Variants in FAM168A observed in about 807,000 individuals in gnomAD.
FAM168A encodes protein FAM168A.
A neutral mutation model predicts 28.5 loss-of-function variants in FAM168A; 3 were observed. The observed-to-expected ratio is 0.11, with a 90% CI of 0.05 to 0.27. FAM168A has a LOEUF of 0.27. Among genes scored for constraint, FAM168A ranks in the 10% least tolerant of loss-of-function variants. The pLI, the probability that FAM168A is intolerant of heterozygous loss-of-function variation, is 1.00. For synonymous variants in FAM168A, 122 were observed against 124.2 expected, an observed-to-expected ratio of 0.98 and a Z score of 0.12; for missense variants, 222 against 311.5, an observed-to-expected ratio of 0.71 and a Z score of 2.16.
intron 3 of FAM168A, among the ~76,000 whole-genome samples, chr11:73,421,653 T>TTCTTC (rs1255547921): frequency 6.6e-6 from 1 of 152,208 alleles, no homozygotes; most frequent in Non-Finnish European, 1.5e-5. Flanking sequence ...AAGAATCCAA[T>TTCTTC]TAGTGTTAAC....
chr11:73,584,707 G>A (rs928020578), intron 1 of FAM168A, among the ~76,000 whole-genome samples: 15 of 151,458 alleles, frequency 9.9e-5, no homozygotes, highest in African/African-American at 3.6e-4. Context: ...TTGATCTCCT[G>A]ACCTCGTGAT....
rs547003575 is a variant in FAM168A at position 73,482,054 on chromosome 11, C to T, written c.-18-13562G>A. Among the ~76,000 whole-genome samples, 217 of 152,244 alleles carry T rather than the reference C, an allele frequency of 1.4e-3. 1 individual carries two copies. Among genetic ancestry groups the T allele is most frequent in the African/African-American group, 4.9e-3 (204 of 41,542 alleles). ...GATGGAACTCTTACCAGACAATGAA[C>T]TTGCCTTGATCTTGGACCTCCCAGC... is the stretch of plus-strand genomic sequence containing the variant. On this transcript the variant is annotated intron_variant, in intron 1 of 7. Coordinates refer to ENST00000356467, the MANE Select transcript of FAM168A (RefSeq NM_015159.3).
At chr11:73,431,700 C>T (rs1866997403) in intron 2 of FAM168A, among the ~76,000 whole-genome samples, 1 of 152,212 alleles carries the variant, frequency 6.6e-6, no homozygotes, top group Non-Finnish European at 1.5e-5. Flanking sequence ...AGAGTTTACA[C>T]AAACCAGCTC....
chr11:73,498,756 C>A (rs953762940), intron 1 of FAM168A, among the ~76,000 whole-genome samples: 6 of 152,208 alleles, frequency 3.9e-5, no homozygotes, highest in Non-Finnish European at 7.3e-5. Flanking sequence ...AGTCTGTGGG[C>A]AGAGTGCCAG....
At chr11:73,497,757 TG>T (rs1233430034) in intron 1 of FAM168A, among the ~76,000 whole-genome samples, 1 of 150,436 alleles carries the variant, frequency 6.6e-6, no homozygotes, top group East Asian at 2.0e-4. Context: ...TGTCGTTGGG[TG>T]GGGGGATGGG....
intron 2 of FAM168A, among the ~76,000 whole-genome samples, chr11:73,464,383 A>G (rs1358290189): frequency 6.6e-6 from 1 of 152,076 alleles, no homozygotes; most frequent in Non-Finnish European, 1.5e-5. Flanking sequence ...TAGTCTTTGA[A>G]CAGATTAATT....
intron 1 of FAM168A, among the ~76,000 whole-genome samples, chr11:73,489,504 C>T (rs112543618): frequency 6.7e-6 from 1 of 150,040 alleles, no homozygotes; most frequent in African/African-American, 2.5e-5. Context: ...CACACCCCAT[C>T]CCCCACTTTT....
At chr11:73,435,950 G>A (rs1185724903) in intron 2 of FAM168A, among the ~76,000 whole-genome samples, 2 of 152,224 alleles carry the variant, frequency 1.3e-5, no homozygotes, top group African/African-American at 4.8e-5. Flanking sequence ...TATTCAGCAA[G>A]TCAGTGGTCG....
At chr11:73,469,645 G>C (rs556359706) in intron 1 of FAM168A, among the ~76,000 whole-genome samples, 1 of 152,146 alleles carries the variant, frequency 6.6e-6, no homozygotes, top group Non-Finnish European at 1.5e-5. Flanking sequence ...TAAAACATAC[G>C]TAATGTGTAG....
chr11:73,447,372 GA>G (rs1284161342), intron 2 of FAM168A, among the ~76,000 whole-genome samples: 1 of 151,508 alleles, frequency 6.6e-6, no homozygotes, highest in Non-Finnish European at 1.5e-5. Flanking sequence ...AACATAGCAA[GA>G]CCTCATCTCT....
rs574794950 is a variant in FAM168A at position 73,408,751 on chromosome 11, A to C, written c.595+736T>G. 2.0e-3 allele frequency among the ~76,000 whole-genome samples: 308 copies of C among 150,532 alleles called. 2 individuals are homozygous for C. Among genetic ancestry groups the C allele is most frequent in the South Asian group, 0.011 (53 of 4,752 alleles). The stretch of plus-strand genomic sequence containing the variant: ...GGCCAAGATCGTGCCACTGCACTCC[A>C]GCCTGGGTGACAAAGCAAGACCCTG... On this transcript the variant is annotated intron_variant, in intron 6 of 7. Transcript: ENST00000356467.
intron 1 of FAM168A, among the ~76,000 whole-genome samples, chr11:73,593,301 C>G (rs1289185883): frequency 1.3e-5 from 2 of 152,050 alleles, no homozygotes; most frequent in Non-Finnish European, 2.9e-5. Context: ...ATTTGTTATT[C>G]TTTAAGTTGT....
At chr11:73,476,842 GAAGA>G (rs536150204) in intron 1 of FAM168A, among the ~76,000 whole-genome samples, 2 of 152,100 alleles carry the variant, frequency 1.3e-5, no homozygotes, top group Non-Finnish European at 2.9e-5. Context: ...TGAGCTGGCA[GAAGA>G]AAGAATCACT....
chr11:73,553,589 CA>C (rs1943853345), intron 1 of FAM168A, among the ~76,000 whole-genome samples: 1 of 152,194 alleles, frequency 6.6e-6, no homozygotes, highest in Non-Finnish European at 1.5e-5. Context: ...TGACTACTCA[CA>C]GTCTTTCTAG....
rs1328935663 is a variant in FAM168A, at chr11:73,407,542, G to A, written c.697C>T (p.Pro233Ser). Residue 233 changes from proline (P) to serine (S), a missense_variant, in exon 7 of 8, where the codon CCA (proline) becomes TCA (serine). Transcript: ENST00000356467. The stretch of plus-strand genomic sequence containing the variant: ...ATGGGCTGCAGGCTTTACCAGTGTG[G>A]GGGCACGTAGCTGTACGCAGGGGTT... The part of the protein sequence containing the change: ...QGTPAYSYVP[P>S]HW The A allele has an allele frequency of 1.3e-6, 2 of 1,590,516 alleles. No individual in the cohort carries two copies. The highest frequency in any genetic ancestry group is 1.7e-6 in the Non-Finnish European group (2 of 1,172,016).
At chr11:73,569,946 AT>A (rs1944066927) in intron 1 of FAM168A, among the ~76,000 whole-genome samples, 1 of 152,194 alleles carries the variant, frequency 6.6e-6, no homozygotes, top group African/African-American at 2.4e-5. Context: ...GAGACCTGGG[AT>A]GGTGGGGTCC....
At chr11:73,560,941 G>C (rs528722148) in intron 1 of FAM168A, among the ~76,000 whole-genome samples, 1 of 151,750 alleles carries the variant, frequency 6.6e-6, no homozygotes, top group Admixed American at 6.6e-5. Flanking sequence ...CACACCTGTA[G>C]TTGCAGCTAC....
chr11:73,583,080 G>A (rs542956457), intron 1 of FAM168A, among the ~76,000 whole-genome samples: 3 of 152,206 alleles, frequency 2.0e-5, no homozygotes, highest in Non-Finnish European at 2.9e-5. Context: ...CAAGGCAGGC[G>A]GATCACGAGG....
At chr11:73,566,236 T>C (rs1944018998) in intron 1 of FAM168A, among the ~76,000 whole-genome samples, 1 of 152,222 alleles carries the variant, frequency 6.6e-6, no homozygotes, top group Non-Finnish European at 1.5e-5. Context: ...ATTGTGTCTA[T>C]TGTAAATTAA....
Sources: allele counts gnomAD v4.1 joint callset (sites outside exome capture counted in the v4.1 genomes callset), GRCh38; gene constraint gnomAD v4.1.1; transcripts MANE v1.5; gene names NCBI Gene and HGNC (gene_info 2026-07-23, HGNC 2026-07-21).